MYO3B: variants seen among roughly 807,000 people sequenced by gnomAD.
The protein encoded by MYO3B is myosin-IIIb.
Under a neutral mutation model 174.6 loss-of-function variants are expected in MYO3B, and 156 were observed. That is an observed-to-expected ratio of 0.89 (90% CI 0.78 to 1.02). MYO3B has a LOEUF of 1.02. Ranked by LOEUF, MYO3B falls within the 50% of genes least tolerant of loss-of-function variation. MYO3B has a pLI of 0.00. For missense variants in MYO3B, 1,632 were observed against 1,639.4 expected, an observed-to-expected ratio of 1.00 and a Z score of 0.08; for synonymous variants, 563 against 569.1, an observed-to-expected ratio of 0.99 and a Z score of 0.15.
intron 32 of MYO3B, among the ~76,000 whole-genome samples, chr2:170,581,972 A>T (rs570798243): frequency 6.6e-6 from 1 of 152,352 alleles, no homozygotes; most frequent in South Asian, 2.1e-4. Flanking sequence ...AAAGTTGAGG[A>T]TCACCTTAAT....
chr2:170,425,197 T>C (rs1279626082), intron 22 of MYO3B, among the ~76,000 whole-genome samples: 1 of 151,800 alleles, frequency 6.6e-6, no homozygotes, highest in Non-Finnish European at 1.5e-5. Flanking sequence ...CTTAACATTT[T>C]TCCCCAGGAA....
At chr2:170,401,802 C>CTCTTTT in intron 18 of MYO3B, 111 bp downstream of exon 18, 1 of 698,088 alleles carries the variant, frequency 1.4e-6, no homozygotes, top group Non-Finnish European at 2.2e-6. Flanking sequence ...CTTTCTTTTT[C>CTCTTTT]TTTTTTTTTT....
intron 7 of MYO3B, among the ~76,000 whole-genome samples, chr2:170,328,942 C>T (rs528732583): frequency 6.6e-6 from 1 of 152,154 alleles, no homozygotes; most frequent in East Asian, 1.9e-4. Context: ...AGGCAGATCA[C>T]CTGAGGTTAG....
At chr2:170,419,941 T>A (rs2094604371) in intron 22 of MYO3B, among the ~76,000 whole-genome samples, 1 of 152,036 alleles carries the variant, frequency 6.6e-6, no homozygotes, top group South Asian at 2.1e-4. Context: ...TCCCAGCACT[T>A]TGGGAGGCCG....
At chr2:170,642,133 T>C (rs552870985) in intron 32 of MYO3B, among the ~76,000 whole-genome samples, 1 of 152,130 alleles carries the variant, frequency 6.6e-6, no homozygotes, top group African/African-American at 2.4e-5. Context: ...AACCAAAGAA[T>C]AGGCCACATA....
At chr2:170,384,581 G>C (rs1407457967) in intron 12 of MYO3B, among the ~76,000 whole-genome samples, 1 of 152,112 alleles carries the variant, frequency 6.6e-6, no homozygotes, top group Non-Finnish European at 1.5e-5. Context: ...TTATAAAATG[G>C]AATACATGGA....
At chr2:170,602,870 C>T (rs1559151120) in intron 32 of MYO3B, among the ~76,000 whole-genome samples, 1 of 152,012 alleles carries the variant, frequency 6.6e-6, no homozygotes, top group Admixed American at 6.6e-5. Flanking sequence ...AGTTTGAGAC[C>T]AGCCTGATCA....
At chr2:170,330,849 TGCTGATTTCCGAAAGA>T (rs71894657) in intron 7 of MYO3B, among the ~76,000 whole-genome samples, 21,536 of 152,206 alleles carry the variant, frequency 0.14, 2,988 homozygotes, top group African/African-American at 0.36. Context: ...AGTTGGAATT[TGCTGATTTCCGAAAGA>T]GCTGTTCCAT....
chr2:170,614,709 C>G (rs1559160684), intron 32 of MYO3B, among the ~76,000 whole-genome samples: 1 of 152,190 alleles, frequency 6.6e-6, no homozygotes, highest in South Asian at 2.1e-4. Flanking sequence ...AGCCCAGCAT[C>G]TATAGCATAA....
chr2:170,646,263 C>T (rs1049920788), intron 32 of MYO3B, among the ~76,000 whole-genome samples: 25 of 145,970 alleles, frequency 1.7e-4, no homozygotes, highest in African/African-American at 5.9e-4. Context: ...AAGAGCGAAA[C>T]TCTGTCTCAA....
chr2:170,630,995 C>G (rs1036713839), intron 32 of MYO3B, among the ~76,000 whole-genome samples: 9 of 152,228 alleles, frequency 5.9e-5, no homozygotes, highest in African/African-American at 2.2e-4. Context: ...CAGAGTGCCC[C>G]TTCTCCTCCA....
chr2:170,460,175 G>A (rs543809984), intron 23 of MYO3B, among the ~76,000 whole-genome samples: 1 of 151,764 alleles, frequency 6.6e-6, no homozygotes, highest in South Asian at 2.1e-4. Context: ...CGGGCTGCTA[G>A]CATGTTGTCA....
intron 23 of MYO3B, among the ~76,000 whole-genome samples, chr2:170,460,186 C>G (rs529732416): frequency 6.6e-6 from 1 of 152,190 alleles, no homozygotes; most frequent in South Asian, 2.1e-4. Flanking sequence ...CATGTTGTCA[C>G]CTCTCAATAT....
At position 170,645,269 on chromosome 2, in the gene MYO3B, G is replaced by A. The variant is rs142795793; in HGVS notation, c.3734-6359G>A. Among the ~76,000 whole-genome samples the A allele has an allele frequency of 7.3e-3, 1,108 of 152,008 alleles. 42 individuals are homozygous for A. In the East Asian group the frequency reaches 0.13, roughly 17 times the overall value. ...GTGGATTGCTTGAGGTCAGGAGTTCGAGACCAGCCTGGCCAACATGGTGAA... is the reference window on the plus strand; with the variant it reads ...GTGGATTGCTTGAGGTCAGGAGTTCAAGACCAGCCTGGCCAACATGGTGAA... On this transcript the variant is annotated intron_variant, in intron 32 of 34. Coordinates refer to ENST00000408978, the MANE Select transcript of MYO3B (RefSeq NM_138995.5).
chr2:170,484,214 A>C (rs1685882749), intron 25 of MYO3B, among the ~76,000 whole-genome samples: 2 of 152,332 alleles, frequency 1.3e-5, no homozygotes, highest in African/African-American at 4.8e-5. Context: ...GTAGTCCCCC[A>C]GATAGATGGT....
intron 22 of MYO3B, among the ~76,000 whole-genome samples, chr2:170,430,661 C>T (rs1471963302): frequency 6.6e-6 from 1 of 152,154 alleles, no homozygotes; most frequent in Non-Finnish European, 1.5e-5. Flanking sequence ...TGAGCCACCG[C>T]GCCTGGCCTA....
In MYO3B at chr2:170,519,512, A is replaced by G. The variant is rs1238845135; in HGVS notation, c.3547A>G (p.Asn1183Asp). ...CAATGGCCGTACACAGACTTCAAGC[A>G]ACTCTCCTGCTGTCACAGAGAAAAA... ...SNNGRTQTSSNSPAVTEKNGH... is the reference protein window; with the variant it reads ...SNNGRTQTSSDSPAVTEKNGH... The change falls in exon 30 of 35, where the codon AAC becomes GAC. Residue 1183 changes from asparagine to aspartate, a missense_variant. By Grantham distance (23) the Asn-to-Asp change is conservative. Transcript: ENST00000408978. 1 of 1,614,082 alleles carries G rather than the reference A, an allele frequency of 6.2e-7. No homozygotes were observed. The highest frequency in any genetic ancestry group is 8.5e-7 in the Non-Finnish European group (1 of 1,179,998).
intron 16 of MYO3B, among the ~76,000 whole-genome samples, chr2:170,399,178 G>A (rs1270786461): frequency 6.8e-6 from 1 of 146,634 alleles, no homozygotes; most frequent in Non-Finnish European, 1.5e-5. Context: ...GGAGGCAGAG[G>A]TTGCAGTGAG....
intron 23 of MYO3B, among the ~76,000 whole-genome samples, chr2:170,462,321 T>G (rs779903586): frequency 5.9e-5 from 9 of 152,244 alleles, no homozygotes; most frequent in Non-Finnish European, 8.8e-5. Flanking sequence ...TTCTAGGTTT[T>G]GAAAACTTAG....
Sources: gnomAD v4.1 joint callset for allele counts (sites outside exome capture counted in the v4.1 genomes callset) on GRCh38, gnomAD v4.1.1 for gene constraint, MANE v1.5 for transcripts, NCBI Gene and HGNC (gene_info 2026-07-23, HGNC 2026-07-21) for gene names.